STRN3: variants seen among roughly 807,000 people sequenced by gnomAD.
STRN3 encodes striatin 3.
Under a neutral mutation model 95.6 loss-of-function variants are expected in STRN3, and 29 were observed. The observed-to-expected ratio is 0.30, with a 90% confidence interval of 0.23 to 0.41. STRN3 has a LOEUF of 0.41. Ranked by LOEUF, STRN3 falls within the 10% of genes least tolerant of loss-of-function variation. The pLI is 1.00. For missense variants in STRN3, 890 were observed against 972.1 expected (o/e 0.92, Z 1.12); for synonymous variants, 331 against 357.6 (o/e 0.93, Z 0.84).
chr14:30,995,131 G>A (rs944892485), intron 1 of STRN3, among the ~76,000 whole-genome samples: 1 of 152,184 alleles, frequency 6.6e-6, no homozygotes, highest in Non-Finnish European at 1.5e-5. Flanking sequence ...TCCATTACCT[G>A]ATAACCCACA....
chr14:31,025,037 C>CATCT (rs1263686126), intron 1 of STRN3: 1 of 152,194 alleles, frequency 6.6e-6, no homozygotes, highest in African/African-American at 2.4e-5. Flanking sequence ...GTTCCGAGAA[C>CATCT]ATCTCACTTT....
At chr14:30,900,000 C>A (rs905942062) in intron 16 of STRN3, among the ~76,000 whole-genome samples, 1 of 152,114 alleles carries the variant, frequency 6.6e-6, no homozygotes, top group African/African-American at 2.4e-5. Flanking sequence ...TAACCGGAAA[C>A]AGCAGTTACG....
chr14:30,919,642 T>C (rs953607733), intron 8 of STRN3, among the ~76,000 whole-genome samples: 6 of 152,156 alleles, frequency 3.9e-5, no homozygotes, highest in South Asian at 2.1e-4. Context: ...TAGTACAAAT[T>C]TGTCATTAAC....
In STRN3 at chr14:31,025,895, AC is replaced by A. The variant is rs554873145; in HGVS notation, c.282+8del. The A allele has an allele frequency of 8.5e-5, 136 of 1,597,844 alleles. 1 individual carries two copies. The South Asian group carries it at 1.4e-3, about 17-fold the overall frequency. ...CCGCAGCTCCCGCACACCGACCCCA[AC>A]GAGGTACCTGCAGTTCGGCCCGTTC... is the stretch of plus-strand genomic sequence containing the variant. On this transcript the variant is annotated splice_region_variant and intron_variant, in intron 1 of 17. Transcript: ENST00000357479.
At chr14:31,013,468 C>T (rs976049628) in intron 1 of STRN3, among the ~76,000 whole-genome samples, 1 of 151,924 alleles carries the variant, frequency 6.6e-6, no homozygotes. Flanking sequence ...CATCTACCTA[C>T]ATAAAAAACA....
chr14:30,999,508 G>T (rs1040636230), intron 1 of STRN3, among the ~76,000 whole-genome samples: 4 of 152,158 alleles, frequency 2.6e-5, no homozygotes, highest in African/African-American at 4.8e-5. Context: ...AGAAATTCTG[G>T]AATTGGGAAG....
intron 1 of STRN3, among the ~76,000 whole-genome samples, chr14:31,004,588 A>C (rs927735203): frequency 9.2e-5 from 14 of 152,200 alleles, no homozygotes; most frequent in African/African-American, 3.1e-4. Flanking sequence ...AGCCTGGCCA[A>C]CATGGTGAAA....
chr14:30,910,311 C>T (rs770737684), intron 13 of STRN3, among the ~76,000 whole-genome samples: 7 of 152,208 alleles, frequency 4.6e-5, no homozygotes, highest in Non-Finnish European at 7.3e-5. Flanking sequence ...TAGATCCCAT[C>T]CCTTCGCTTA....
chr14:31,024,183 T>C (rs1594602701), intron 1 of STRN3, among the ~76,000 whole-genome samples: 1 of 152,176 alleles, frequency 6.6e-6, no homozygotes, highest in African/African-American at 2.4e-5. Flanking sequence ...AAAAATGCAA[T>C]TGCTAACTTG....
At chr14:30,952,897 C>T (rs1879722632) in intron 3 of STRN3, among the ~76,000 whole-genome samples, 1 of 151,964 alleles carries the variant, frequency 6.6e-6, no homozygotes, top group Non-Finnish European at 1.5e-5. Context: ...ACCCTGTTAC[C>T]AAGAATTAAC....
intron 1 of STRN3, among the ~76,000 whole-genome samples, chr14:30,966,375 C>T (rs1051921298): frequency 6.6e-6 from 1 of 152,124 alleles, no homozygotes; most frequent in Non-Finnish European, 1.5e-5. Flanking sequence ...TTTTGTGGCA[C>T]CGAAACTTTA....
chr14:30,916,940 A>G (rs1454374154), intron 9 of STRN3, among the ~76,000 whole-genome samples: 2 of 152,212 alleles, frequency 1.3e-5, no homozygotes, highest in Non-Finnish European at 2.9e-5. Flanking sequence ...AACAGATTCC[A>G]TTTATACCAG....
chr14:30,927,853 A>T (rs1305542853), intron 8 of STRN3, among the ~76,000 whole-genome samples: 2 of 149,338 alleles, frequency 1.3e-5, no homozygotes, highest in Non-Finnish European at 3.0e-5. Flanking sequence ...GAATTGCTTG[A>T]ACCCGGGAGG....
At chr14:30,982,529 C>T (rs1283810402) in intron 1 of STRN3, among the ~76,000 whole-genome samples, 4 of 152,192 alleles carry the variant, frequency 2.6e-5, no homozygotes, top group African/African-American at 9.6e-5. Flanking sequence ...AGGCTGGTGC[C>T]GAACTCTTGG....
chr14:30,898,688 T>G (rs1896223963), intron 16 of STRN3, among the ~76,000 whole-genome samples: 2 of 152,174 alleles, frequency 1.3e-5, no homozygotes, highest in Non-Finnish European at 2.9e-5. Flanking sequence ...ACCTGCAGCT[T>G]CTCACATCTA....
At chr14:30,945,662 C>T (rs922367775) in intron 5 of STRN3, among the ~76,000 whole-genome samples, 17 of 152,202 alleles carry the variant, frequency 1.1e-4, no homozygotes, top group Admixed American at 3.3e-4. Flanking sequence ...AGTATATCCA[C>T]AATGGAGTAT....
At chr14:30,973,278 T>C (rs1880923385) in intron 1 of STRN3, among the ~76,000 whole-genome samples, 1 of 148,622 alleles carries the variant, frequency 6.7e-6, no homozygotes, top group Non-Finnish European at 1.5e-5. Context: ...AAAAAAATTA[T>C]TGAAAGCAAA....
chr14:30,947,081 A>C lies in STRN3; in HGVS notation c.716+9T>G. Reference sequence around the variant, plus strand: ...CCATTATATAAACTATGTTAAGTATAAATCATACCTTTTTATTTCTTGTCC... The same window carrying C: ...CCATTATATAAACTATGTTAAGTATCAATCATACCTTTTTATTTCTTGTCC... On this transcript the variant is annotated intron_variant, in intron 5 of 17. Transcript: ENST00000357479. 6.4e-7 allele frequency: 1 copy of C among 1,572,650 alleles called. No individual in the cohort carries two copies. Among genetic ancestry groups the C allele is most frequent in the Non-Finnish European group, 8.6e-7 (1 of 1,161,294 alleles).
intron 1 of STRN3, among the ~76,000 whole-genome samples, chr14:30,973,761 G>A (rs1880954750): frequency 6.6e-6 from 1 of 152,050 alleles, no homozygotes; most frequent in African/African-American, 2.4e-5. Flanking sequence ...CATATTAAAA[G>A]AATTACACAT....
Sources: allele counts gnomAD v4.1 joint callset (sites outside exome capture counted in the v4.1 genomes callset), GRCh38; gene constraint gnomAD v4.1.1; transcripts MANE v1.5; gene names NCBI Gene and HGNC (gene_info 2026-07-23, HGNC 2026-07-21).